The following ADGRL3 variants were observed in gnomAD, a reference collection of about 807,000 sequenced individuals.
ADGRL3 encodes the protein adhesion G protein-coupled receptor L3, also known as calcium-independent alpha-latrotoxin receptor 3.
A neutral mutation model predicts 153.5 loss-of-function variants in ADGRL3; 62 were observed. The observed-to-expected ratio is 0.40, with a 90% CI of 0.33 to 0.50. The LOEUF (loss-of-function observed/expected upper bound fraction) is 0.50. ADGRL3 is among the 20% of genes least tolerant of loss of function. The probability of loss-of-function intolerance (pLI) is 0.47; values close to 1 mark genes in which losing one functional copy is unlikely to be tolerated. For synonymous variants in ADGRL3, 710 were observed against 672.5 expected (o/e 1.06, Z -0.86); for missense variants, 1,641 against 1,859.4 (o/e 0.88, Z 2.16).
chr4:61,678,142 G>A (rs568421128), intron 6 of ADGRL3, among the ~76,000 whole-genome samples: 78 of 151,892 alleles, frequency 5.1e-4, no homozygotes, highest in African/African-American at 1.8e-3. Context: ...CCCTACTGAC[G>A]ATTATTGTTC....
chr4:62,047,212 C>T (rs546617208), intron 25 of ADGRL3, among the ~76,000 whole-genome samples: 1 of 151,672 alleles, frequency 6.6e-6, no homozygotes, highest in South Asian at 2.1e-4. Flanking sequence ...TATTGAATCT[C>T]TTATTTTTGT....
intron 7 of ADGRL3, 121 bp from the exon 8 acceptor site, chr4:61,732,633 C>T (rs2096460589): frequency 4.1e-6 from 2 of 488,352 alleles, no homozygotes; most frequent in Admixed American, 7.5e-5. Flanking sequence ...AAGAATGCAG[C>T]AAAATAAGTG....
intron 2 of ADGRL3, among the ~76,000 whole-genome samples, chr4:61,462,592 C>T (rs372078187): frequency 2.6e-5 from 4 of 151,962 alleles, no homozygotes; most frequent in East Asian, 1.9e-4. Flanking sequence ...ATGACTTGAT[C>T]GTGCTACTTT....
intron 6 of ADGRL3, among the ~76,000 whole-genome samples, chr4:61,683,929 T>G (rs2095394244): frequency 6.6e-6 from 1 of 152,152 alleles, no homozygotes; most frequent in South Asian, 2.1e-4. Context: ...CGTGCCCTGC[T>G]AGAGCTGAGT....
In ADGRL3 at chr4:61,375,501, T is replaced by A. The variant is rs532067050; in HGVS notation, c.-239-7623T>A. ...GAATCATCAAGTGTACTCCCTGAGTTACTCTGACTTACACTGTCCCAGCAT... is the reference window on the plus strand; with the variant it reads ...GAATCATCAAGTGTACTCCCTGAGTAACTCTGACTTACACTGTCCCAGCAT... On this transcript the variant is annotated intron_variant, in intron 1 of 26. Coordinates refer to ENST00000683033, the MANE Select transcript of ADGRL3 (RefSeq NM_001387552.1). Among the ~76,000 whole-genome samples, 23 of 152,280 alleles carry A rather than the reference T, an allele frequency of 1.5e-4. 2 individuals are homozygous for A. In the South Asian group the frequency reaches 4.6e-3, roughly 30 times the overall value.
At position 61,314,012 on chromosome 4, in the gene ADGRL3, G is replaced by A. The variant is rs529863068; in HGVS notation, c.-239-69112G>A. On this transcript the variant is annotated intron_variant, in intron 1 of 26. Coordinates refer to ENST00000683033, the MANE Select transcript of ADGRL3 (RefSeq NM_001387552.1). ...TACCCAGAGAAAATCCAGAAACACA[G>A]GGAGAATGTGCAAGCTCCACACAGA... 1.6e-4 allele frequency among the ~76,000 whole-genome samples: 24 copies of A among 152,184 alleles called. 1 individual carries two copies. Among genetic ancestry groups the A allele is most frequent in the African/African-American group, 5.3e-4 (22 of 41,536 alleles).
intron 8 of ADGRL3, among the ~76,000 whole-genome samples, chr4:61,775,151 A>G (rs1013818310): frequency 6.6e-6 from 1 of 151,876 alleles, no homozygotes; most frequent in East Asian, 1.9e-4. Flanking sequence ...GCTACTTTTC[A>G]TAACCTTCAC....
At chr4:61,429,042 G>A (rs1282454952) in intron 2 of ADGRL3, among the ~76,000 whole-genome samples, 1 of 151,948 alleles carries the variant, frequency 6.6e-6, no homozygotes, top group Non-Finnish European at 1.5e-5. Context: ...GATATTGGTA[G>A]GAAGATGTGG....
chr4:62,043,485 T>A (rs867555172), intron 24 of ADGRL3, among the ~76,000 whole-genome samples: 1 of 152,104 alleles, frequency 6.6e-6, no homozygotes. Context: ...TTCTGAAGAA[T>A]AAGCATGTTC....
At chr4:61,715,111 C>T (rs1212264643) in intron 6 of ADGRL3, among the ~76,000 whole-genome samples, 2 of 151,974 alleles carry the variant, frequency 1.3e-5, no homozygotes, top group African/African-American at 4.8e-5. Flanking sequence ...TATTATCTAC[C>T]TTCTTAAAGA....
At chr4:61,226,020 TC>T (rs1747795215) in intron 1 of ADGRL3, among the ~76,000 whole-genome samples, 2 of 152,134 alleles carry the variant, frequency 1.3e-5, no homozygotes, top group Non-Finnish European at 2.9e-5. Flanking sequence ...CTCAGAGTAT[TC>T]CCCACTCCCA....
chr4:61,212,715 G>C (rs1740682729), intron 1 of ADGRL3, among the ~76,000 whole-genome samples: 1 of 152,104 alleles, frequency 6.6e-6, no homozygotes, highest in African/African-American at 2.4e-5. Context: ...AACATATGAA[G>C]ATAATTTGGA....
intron 1 of ADGRL3, among the ~76,000 whole-genome samples, chr4:61,363,525 T>C (rs993295261): frequency 6.6e-6 from 1 of 152,172 alleles, no homozygotes; most frequent in African/African-American, 2.4e-5. Context: ...GTATTGTAGA[T>C]ACATGTTGCT....
At chr4:62,059,231 G>T (rs1689533521) in intron 25 of ADGRL3, among the ~76,000 whole-genome samples, 1 of 151,902 alleles carries the variant, frequency 6.6e-6, no homozygotes, top group Non-Finnish European at 1.5e-5. Context: ...TGGTTCAAAT[G>T]AGGGATAATT....
At chr4:61,680,304 C>T (rs60047565) in intron 6 of ADGRL3, among the ~76,000 whole-genome samples, 33,910 of 151,402 alleles carry the variant, frequency 0.22, 3,961 homozygotes, top group East Asian at 0.34. Flanking sequence ...GAATTTATGA[C>T]CACAAACTTT....
intron 6 of ADGRL3, among the ~76,000 whole-genome samples, chr4:61,721,460 A>C (rs1399361938): frequency 1.3e-5 from 2 of 152,160 alleles, no homozygotes; most frequent in African/African-American, 2.4e-5. Context: ...AGACTCAACA[A>C]GTTTGCTCTT....
intron 8 of ADGRL3, among the ~76,000 whole-genome samples, chr4:61,798,095 G>A (rs1351685892): frequency 6.6e-6 from 1 of 152,034 alleles, no homozygotes; most frequent in Admixed American, 6.5e-5. Context: ...TTCCACCTTT[G>A]CACCTTATGG....
At chr4:61,502,322 A>T (rs991381447) in intron 3 of ADGRL3, among the ~76,000 whole-genome samples, 5 of 152,128 alleles carry the variant, frequency 3.3e-5, no homozygotes, top group Admixed American at 6.6e-5. Flanking sequence ...TCTCAGCTTA[A>T]TTGAACCTCA....
At chr4:61,807,318 G>A (rs1252106262) in intron 8 of ADGRL3, among the ~76,000 whole-genome samples, 1 of 127,130 alleles carries the variant, frequency 7.9e-6, no homozygotes, top group Non-Finnish European at 1.6e-5. Context: ...AAAAATAATT[G>A]CTCTAATTTT....
Sources: gnomAD v4.1 joint callset for allele counts (sites outside exome capture counted in the v4.1 genomes callset) on GRCh38, gnomAD v4.1.1 for gene constraint, MANE v1.5 for transcripts, NCBI Gene and HGNC (gene_info 2026-07-23, HGNC 2026-07-21) for gene names.